ZNF626: variants seen among roughly 807,000 people sequenced by gnomAD.
ZNF626 encodes zinc finger protein 626, also known as CTC-513N18.7.
A neutral mutation model predicts 11.7 loss-of-function variants in ZNF626; 4 were observed. The observed-to-expected ratio is 0.34, with a 90% confidence interval of 0.17 to 0.78. The LOEUF (loss-of-function observed/expected upper bound fraction) is 0.78, where lower values mean the gene tolerates loss of function less well. Among genes scored for constraint, ZNF626 ranks in the 30% least tolerant of loss-of-function variants. The probability of loss-of-function intolerance (pLI) is 0.57; values close to 1 mark genes in which losing one functional copy is unlikely to be tolerated. For synonymous variants in ZNF626, 179 were observed against 198.6 expected, an observed-to-expected ratio of 0.90 and a Z score of 0.83; for missense variants, 588 against 587.1, an observed-to-expected ratio of 1.00 and a Z score of -0.01.
intron 3 of ZNF626, among the ~76,000 whole-genome samples, chr19:20,642,712 G>A (rs568432597): frequency 6.6e-6 from 1 of 151,992 alleles, no homozygotes; most frequent in East Asian, 1.9e-4. Context: ...GTAACACATG[G>A]AAGTATCATT....
chr19:20,651,555 T>A lies in ZNF626; in HGVS notation c.4-5150A>T, dbSNP rs73928824. Among the ~76,000 whole-genome samples the A allele has an allele frequency of 6.1e-3, 929 of 152,266 alleles. 13 individuals are homozygous for A. Among genetic ancestry groups the A allele is most frequent in the African/African-American group, 0.021 (886 of 41,554 alleles). ...CTAAGACACCTCTTGTATGAGGGGA[T>A]GAACAAACAGGATGATTCATTTCTC... is the stretch of plus-strand genomic sequence containing the variant. On this transcript the variant is annotated intron_variant, in intron 1 of 3. Coordinates refer to ENST00000601440, the MANE Select transcript of ZNF626 (RefSeq NM_001076675.3).
intron 3 of ZNF626, among the ~76,000 whole-genome samples, chr19:20,637,620 TTTTAAC>T (rs1969980651): frequency 6.6e-6 from 1 of 152,076 alleles, no homozygotes; most frequent in Non-Finnish European, 1.5e-5. Flanking sequence ...AAACATATTG[TTTTAAC>T]TTTAAGATGT....
chr19:20,639,477 C>T (rs8100360), intron 3 of ZNF626, among the ~76,000 whole-genome samples: 68,377 of 152,056 alleles, frequency 0.45, 16,678 homozygotes, highest in African/African-American at 0.64. Flanking sequence ...ATGGCTGTTG[C>T]CTACAATCCT....
intron 3 of ZNF626, among the ~76,000 whole-genome samples, 172 bp from the exon 4 acceptor site, chr19:20,625,822 C>G (rs1255644841): frequency 2.2e-5 from 3 of 136,390 alleles, no homozygotes; most frequent in Non-Finnish European, 4.8e-5. Context: ...ACATACTGAT[C>G]AAAATACATT....
chr19:20,657,419 C>T (rs901280893), intron 1 of ZNF626, among the ~76,000 whole-genome samples: 2 of 151,728 alleles, frequency 1.3e-5, no homozygotes, highest in African/African-American at 4.8e-5. Flanking sequence ...AAATATGGTA[C>T]ATAAACATCA....
rs368402010 is a variant in ZNF626, at chr19:20,642,224, A to T, written c.226+3460T>A. Among the ~76,000 whole-genome samples the T allele has an allele frequency of 2.3e-4, 35 of 152,342 alleles. 1 individual carries two copies. In the South Asian group the frequency reaches 6.8e-3, roughly 30 times the overall value. ...TATCTCTTAAGCCTCAAATGGACTT[A>T]AAGTGTACAAACAGAATTGCAAATT... On this transcript the variant is annotated intron_variant, in intron 3 of 3. Coordinates refer to ENST00000601440, the MANE Select transcript of ZNF626 (RefSeq NM_001076675.3).
At chr19:20,637,009 A>G (rs1568457867) in intron 3 of ZNF626, among the ~76,000 whole-genome samples, 1 of 102,682 alleles carries the variant, frequency 9.7e-6, no homozygotes, top group Non-Finnish European at 1.8e-5. Flanking sequence ...ACAGAGAAAG[A>G]CTCCATCTCA....
At chr19:20,645,894 A>C in intron 2 of ZNF626, 115 bp from the exon 3 acceptor site, 2 of 732,448 alleles carry the variant, frequency 2.7e-6, no homozygotes, top group Non-Finnish European at 2.0e-6. Context: ...ATACAAAAAT[A>C]CTAAGTTGTA....
In ZNF626 at chr19:20,625,571, T is replaced by G; in HGVS notation, c.306A>C (p.Arg102Ser). ...KDSFQKVVLR[R>S]YEKCEHDNLQ... Reference sequence around the variant, plus strand: ...AATTGTCATGTTCACATTTTTCATATCTTCTCAGTACCACTTTTTGGAAAG... The same window carrying G: ...AATTGTCATGTTCACATTTTTCATAGCTTCTCAGTACCACTTTTTGGAAAG... The change falls in exon 4 of 4, where the codon AGA becomes AGC. Residue 102 changes from arginine (R) to serine (S), a missense_variant. Arg to Ser is a moderately radical substitution (Grantham distance 110). Around this residue, in one of 4 missense-constraint regions of ZNF626, gnomAD observed 524 missense variants for 470.1 expected, o/e 1.11. Transcript: ENST00000601440. 6.2e-7 allele frequency: 1 copy of G among 1,611,102 alleles called. No homozygotes were observed. Among genetic ancestry groups the G allele is most frequent in the South Asian group, 1.1e-5 (1 of 90,324 alleles).
chr19:20,627,591 G>T (rs1190543067), intron 3 of ZNF626, among the ~76,000 whole-genome samples: 1 of 151,760 alleles, frequency 6.6e-6, no homozygotes, highest in Non-Finnish European at 1.5e-5. Flanking sequence ...TTCTCTTTCA[G>T]AAAACCATTT....
chr19:20,657,797 A>G (rs1192950047), intron 1 of ZNF626, among the ~76,000 whole-genome samples: 1 of 151,848 alleles, frequency 6.6e-6, no homozygotes, highest in Admixed American at 6.6e-5. Context: ...AAGAACAAAA[A>G]TCCATCTCAA....
intron 1 of ZNF626, among the ~76,000 whole-genome samples, chr19:20,648,440 A>G (rs890160034): frequency 1.3e-5 from 2 of 150,120 alleles, no homozygotes; most frequent in African/African-American, 4.9e-5. Flanking sequence ...GCAGTGGCGC[A>G]ATCTCGGCTC....
In ZNF626 at chr19:20,621,308, G is replaced by T. The variant is rs1555768692; in HGVS notation, c.*2982C>A. Reference sequence around the variant, plus strand: ...TGCCCAACTAATTTTTGTTGTTTTAGTAGAGAGTTTCACAATGTTGGTCAG... The same window carrying T: ...TGCCCAACTAATTTTTGTTGTTTTATTAGAGAGTTTCACAATGTTGGTCAG... On this transcript the variant is annotated 3_prime_UTR_variant, in exon 4 of 4. Coordinates refer to ENST00000601440, the MANE Select transcript of ZNF626 (RefSeq NM_001076675.3). The T allele has an allele frequency of 6.6e-6, 1 of 151,878 alleles. No homozygotes were observed. The highest frequency in any genetic ancestry group is 2.4e-5 in the African/African-American group (1 of 41,344). The allele number at this position is 151,878 out of a possible 1,614,324, so 9.4% of individuals were successfully genotyped here. A position where few individuals can be genotyped will look rare whatever the true frequency, so the allele number is the denominator to read the frequency against.
intron 1 of ZNF626, among the ~76,000 whole-genome samples, chr19:20,648,005 C>A (rs1970101993): frequency 6.6e-6 from 1 of 151,344 alleles, no homozygotes; most frequent in Non-Finnish European, 1.5e-5. Flanking sequence ...ATGGTATAAC[C>A]CCATCTCTAT....
At position 20,625,474 on chromosome 19, in the gene ZNF626, G is replaced by A; in HGVS notation, c.403C>T (p.Gln135Ter). 2 of 1,613,948 alleles carry A rather than the reference G, an allele frequency of 1.2e-6. No individual in the cohort carries two copies. The change falls in exon 4 of 4, where the codon CAA (glutamine) becomes TAA (stop). Residue 135 changes from glutamine (Q) to a stop codon, truncating the protein, a stop_gained. Transcript: ENST00000601440. LOFTEE classifies it low-confidence loss of function (END_TRUNC). ...TTTCTTGGGGTAGTTGTCAAACATT[G>A]GTTAAGTTCATTATAACCTTCTTTG... ...VHKEGYNELN[Q>*]CLTTTPRKIC...
At chr19:20,633,349 C>T (rs375049621) in intron 3 of ZNF626, among the ~76,000 whole-genome samples, 2 of 149,536 alleles carry the variant, frequency 1.3e-5, no homozygotes, top group East Asian at 2.0e-4. Context: ...GAGGTTACTG[C>T]TGTCTTTTTG....
chr19:20,661,469 G>T lies in ZNF626; in HGVS notation c.-23C>A. On this transcript the variant is annotated 5_prime_UTR_variant, in exon 1 of 4. Transcript: ENST00000601440. Reference sequence around the variant, plus strand: ...CATTTTTGGCTTCCAGGAGGTCCCGGTGTCTTAGCTGTGGATCTCCCAATA... The same window carrying T: ...CATTTTTGGCTTCCAGGAGGTCCCGTTGTCTTAGCTGTGGATCTCCCAATA... 6.2e-7 allele frequency: 1 copy of T among 1,613,570 alleles called. No homozygotes were observed. Among genetic ancestry groups the T allele is most frequent in the Middle Eastern group, 1.7e-4 (1 of 6,058 alleles).
chr19:20,624,546 C>T lies in ZNF626; in HGVS notation c.1331G>A (p.Arg444Lys), dbSNP rs62107361. 0.76 allele frequency: 211,596 copies of T among 279,238 alleles called. 89,224 individuals are homozygous for T. The highest frequency in any genetic ancestry group is 0.85 in the Middle Eastern group (1,779 of 2,104). 17.3% of individuals were successfully genotyped at this position (279,238 alleles called of 1,614,324 possible). Residue 444 changes from arginine to lysine, a missense_variant, in exon 4 of 4, where the codon AGG becomes AAG. Physicochemically the swap from Arg to Lys is conservative, Grantham distance 26. Transcript: ENST00000601440. ...FNQSSILTTH[R>K]RIHTGEKFYK... ...GAATTTCTCTCCAGTATGAATTCTC[C>T]TATGTGTAGTAAGGATTGAGGACTG...
chr19:20,652,371 T>C (rs1431447191), intron 1 of ZNF626, among the ~76,000 whole-genome samples: 6 of 151,560 alleles, frequency 4.0e-5, no homozygotes, highest in Non-Finnish European at 7.4e-5. Context: ...ACAGATTATA[T>C]ATAACCTGCG....
Sources: gnomAD v4.1 joint callset for allele counts (sites outside exome capture counted in the v4.1 genomes callset) on GRCh38, gnomAD v4.1.1 for gene constraint, gnomAD v4.1.1 regional missense constraint, MANE v1.5 for transcripts, NCBI Gene and HGNC (gene_info 2026-07-23, HGNC 2026-07-21) for gene names.